TMPRSS15: variants seen among roughly 807,000 people sequenced by gnomAD.
The protein encoded by TMPRSS15 is enteropeptidase.
A neutral mutation model predicts 125.3 loss-of-function variants in TMPRSS15; 128 were observed. The observed-to-expected ratio is 1.02, with a 90% CI of 0.89 to 1.18. The LOEUF is 1.18. TMPRSS15 is among the 50% of genes most tolerant of loss of function. The pLI, the probability that TMPRSS15 is intolerant of heterozygous loss-of-function variation, is 0.00. For missense variants in TMPRSS15, 1,283 were observed against 1,212.7 expected (o/e 1.06, Z -0.86); for synonymous variants, 446 against 423.2 (o/e 1.05, Z -0.66).
intron 1 of TMPRSS15, 55 bp from the exon 2 acceptor site, chr21:18,398,384 AATATGC>A: frequency 6.4e-7 from 1 of 1,563,416 alleles, no homozygotes; most frequent in Middle Eastern, 1.8e-4. Context: ...AGTAGGAGAA[AATATGC>A]ACATTCTGTT....
intron 1 of TMPRSS15, among the ~76,000 whole-genome samples, chr21:18,443,005 C>T (rs1169402558): frequency 6.6e-6 from 1 of 152,042 alleles, no homozygotes; most frequent in South Asian, 2.1e-4. Flanking sequence ...TTCAAATATA[C>T]CTTGAATTAA....
At chr21:18,462,310 T>G (rs1978565686) in intron 1 of TMPRSS15, among the ~76,000 whole-genome samples, 1 of 152,146 alleles carries the variant, frequency 6.6e-6, no homozygotes, top group Non-Finnish European at 1.5e-5. Context: ...TAATTATAAT[T>G]GTTTGTTTCT....
chr21:18,327,055 C>T (rs1045048129), intron 15 of TMPRSS15, among the ~76,000 whole-genome samples: 3 of 152,048 alleles, frequency 2.0e-5, no homozygotes, highest in African/African-American at 4.8e-5. Context: ...AACCTTTTGC[C>T]CTTAATCCCT....
intron 5 of TMPRSS15, among the ~76,000 whole-genome samples, chr21:18,373,875 AT>A (rs1196790763): frequency 3.3e-5 from 5 of 152,170 alleles, no homozygotes; most frequent in African/African-American, 1.2e-4. Flanking sequence ...ACAAGTATTT[AT>A]TTTGTACACA....
chr21:18,296,852 GT>G (rs1182089816), intron 19 of TMPRSS15, among the ~76,000 whole-genome samples: 3 of 152,082 alleles, frequency 2.0e-5, no homozygotes, highest in Non-Finnish European at 4.4e-5. Flanking sequence ...CAACTGCAAA[GT>G]TCTTTTTTTG....
At chr21:18,475,493 G>A (rs1046175323) in intron 1 of TMPRSS15, among the ~76,000 whole-genome samples, 13 of 152,032 alleles carry the variant, frequency 8.6e-5, no homozygotes, top group Admixed American at 3.3e-4. Context: ...TCAGTAGTCC[G>A]AGGTGGGAGG....
intron 7 of TMPRSS15, among the ~76,000 whole-genome samples, chr21:18,363,436 T>A (rs1203365151): frequency 6.6e-6 from 1 of 152,162 alleles, no homozygotes; most frequent in Non-Finnish European, 1.5e-5. Flanking sequence ...GTTCTGCTCA[T>A]AAACCCTCTA....
At chr21:18,272,339 A>G (rs1335452083) in intron 24 of TMPRSS15, among the ~76,000 whole-genome samples, 2 of 151,498 alleles carry the variant, frequency 1.3e-5, no homozygotes, top group Non-Finnish European at 2.9e-5. Flanking sequence ...TTTTTTTCAC[A>G]TTTGTTGCCT....
intron 5 of TMPRSS15, among the ~76,000 whole-genome samples, 181 bp downstream of exon 5, chr21:18,379,102 T>C (rs2075868980): frequency 6.6e-6 from 1 of 152,068 alleles, no homozygotes; most frequent in Non-Finnish European, 1.5e-5. Flanking sequence ...GCCCTAAATA[T>C]GTTGTTTACT....
At chr21:18,346,642 C>G (rs2075511859) in intron 10 of TMPRSS15, among the ~76,000 whole-genome samples, 1 of 152,138 alleles carries the variant, frequency 6.6e-6, no homozygotes, top group Non-Finnish European at 1.5e-5. Context: ...AACTCACATT[C>G]ACACAACATG....
At chr21:18,341,603 C>T (rs761239567) in intron 12 of TMPRSS15, 55 bp from the exon 13 acceptor site, 1 of 1,576,854 alleles carries the variant, frequency 6.3e-7, no homozygotes, top group East Asian at 2.2e-5. Flanking sequence ...TCTTCTCTGA[C>T]TTGATTCTTC....
intron 1 of TMPRSS15, among the ~76,000 whole-genome samples, chr21:18,398,782 A>T (rs967421132): frequency 6.6e-6 from 1 of 152,138 alleles, no homozygotes; most frequent in East Asian, 1.9e-4. Context: ...GTTTTGACAT[A>T]TGAATTCCTG....
At chr21:18,474,516 C>T in intron 1 of TMPRSS15, among the ~76,000 whole-genome samples, 1 of 152,076 alleles carries the variant, frequency 6.6e-6, no homozygotes, top group Non-Finnish European at 1.5e-5. Flanking sequence ...TCTCAAACTC[C>T]TGACCTCAGG....
rs972795125 is a variant in TMPRSS15 at position 18,450,067 on chromosome 21, T to C, written c.10+35732A>G. On this transcript the variant is annotated intron_variant, in intron 1 of 7. Transcript: ENST00000422787. ...ACTTAAGTATTTTATTTTCAACTTA[T>C]GGAAGCAATTACTTGAATGCAAACT... Among the ~76,000 whole-genome samples, 6 of 152,158 alleles carry C rather than the reference T, an allele frequency of 3.9e-5. No homozygotes were observed. The East Asian group carries it at 1.2e-3, about 29-fold the overall frequency.
At position 18,275,276 on chromosome 21, in the gene TMPRSS15, T is replaced by C. The variant is rs138935935; in HGVS notation, c.2825A>G (p.Gln942Arg). 16 of 1,614,140 alleles carry C rather than the reference T, an allele frequency of 9.9e-6. No individual in the cohort carries two copies. In the African/African-American group the frequency reaches 1.2e-4, roughly 12 times the overall value. ...AATGTTATATTCTGGCATCTGCTGT[T>C]GGCATCTCTCATTTGATAGAAGAGG... ...DVPLLSNERC[Q>R]QQMPEYNITE... Residue 942 changes from glutamine (Q) to arginine (R), a missense_variant, in exon 24 of 25, where the codon CAA becomes CGA. Transcript: ENST00000284885.
chr21:18,401,745 A>T (rs1393027943), intron 1 of TMPRSS15, among the ~76,000 whole-genome samples: 1 of 152,244 alleles, frequency 6.6e-6, no homozygotes, highest in Non-Finnish European at 1.5e-5. Context: ...TAGTTTAAAA[A>T]GAAAAAAATA....
At chr21:18,345,740 C>CAAAAAAAAAAAAAAAAAAAAAAA (rs1235619873) in intron 10 of TMPRSS15, among the ~76,000 whole-genome samples, 6 of 15,562 alleles carry the variant, frequency 3.9e-4, no homozygotes, top group African/African-American at 9.7e-4. Context: ...GACTCCGTCT[C>CAAAAAAAAAAAAAAAAAAAAAAA]AAAAAAAAAA....
At chr21:18,356,259 C>T (rs1431545005) in intron 8 of TMPRSS15, among the ~76,000 whole-genome samples, 2 of 151,690 alleles carry the variant, frequency 1.3e-5, no homozygotes, top group Non-Finnish European at 3.0e-5. Flanking sequence ...CGGGGAAGAC[C>T]AACTTTCTAC....
intron 8 of TMPRSS15, among the ~76,000 whole-genome samples, chr21:18,355,419 G>A (rs1193765589): frequency 6.6e-6 from 1 of 151,812 alleles, no homozygotes; most frequent in East Asian, 1.9e-4. Context: ...CCATTAACCT[G>A]CTTCAGAGAT....
Sources: allele counts gnomAD v4.1 joint callset (sites outside exome capture counted in the v4.1 genomes callset), GRCh38; gene constraint gnomAD v4.1.1; transcripts MANE v1.5; gene names NCBI Gene and HGNC (gene_info 2026-07-23, HGNC 2026-07-21).